The following KLHL1 variants were observed in gnomAD, a reference collection of about 807,000 sequenced individuals.
KLHL1 encodes kelch like family member 1, also known as kelch-like protein 1.
In KLHL1, 47 loss-of-function variants were observed where a neutral mutation model predicts 77.7. The ratio of observed to expected loss-of-function variants is 0.60; its 90% CI spans 0.48 to 0.77. KLHL1 has a LOEUF of 0.77. Ranked by LOEUF, KLHL1 falls within the 30% of genes least tolerant of loss-of-function variation. The probability of loss-of-function intolerance (pLI) is 0.00; values close to 1 mark genes in which losing one functional copy is unlikely to be tolerated. For synonymous variants in KLHL1, 360 were observed against 325.2 expected, an observed-to-expected ratio of 1.11 and a Z score of -1.15; for missense variants, 925 against 910.8, an observed-to-expected ratio of 1.02 and a Z score of -0.20.
chr13:69,755,658 G>C (rs184445895), intron 7 of KLHL1, among the ~76,000 whole-genome samples: 2,578 of 149,342 alleles, frequency 0.017, 46 homozygotes, highest in Middle Eastern at 0.076. Context: ...TAAAAAAAAA[G>C]CACTGCAGAA....
chr13:70,096,428 A>G (rs1474801091), intron 1 of KLHL1, among the ~76,000 whole-genome samples: 1 of 151,992 alleles, frequency 6.6e-6, no homozygotes, highest in Non-Finnish European at 1.5e-5. Flanking sequence ...TTTGATTTAT[A>G]TTTCTCTGAT....
intron 1 of KLHL1, among the ~76,000 whole-genome samples, chr13:70,076,594 A>G (rs1272023531): frequency 1.3e-5 from 2 of 151,890 alleles, no homozygotes; most frequent in Non-Finnish European, 2.9e-5. Flanking sequence ...CACAACACCA[A>G]AAGCCCAATC....
chr13:69,725,347 G>A (rs971869965), intron 8 of KLHL1, among the ~76,000 whole-genome samples: 1 of 152,102 alleles, frequency 6.6e-6, no homozygotes, highest in Non-Finnish European at 1.5e-5. Flanking sequence ...CCACAACCAT[G>A]GTTCAAATAG....
intron 4 of KLHL1, among the ~76,000 whole-genome samples, chr13:69,908,188 T>C (rs905231292): frequency 1.5e-4 from 23 of 151,294 alleles, no homozygotes; most frequent in African/African-American, 4.4e-4. Flanking sequence ...ACCAGCAGAG[T>C]ATAGATTTGT....
chr13:69,861,965 C>CAAAATAAAATAAAAT (rs58892254), intron 5 of KLHL1, among the ~76,000 whole-genome samples: 4,654 of 123,288 alleles, frequency 0.038, 124 homozygotes, highest in Non-Finnish European at 0.049. Context: ...AACTCCGTCT[C>CAAAATAAAATAAAAT]AAAATAAAAT....
chr13:69,989,915 A>T (rs1884981827), intron 1 of KLHL1, among the ~76,000 whole-genome samples: 1 of 152,008 alleles, frequency 6.6e-6, no homozygotes, highest in African/African-American at 2.4e-5. Context: ...AAACAGGGAT[A>T]GTTTGATTTC....
At chr13:70,057,421 C>T (rs1384114962) in intron 1 of KLHL1, among the ~76,000 whole-genome samples, 1 of 141,576 alleles carries the variant, frequency 7.1e-6, no homozygotes, top group East Asian at 2.1e-4. Flanking sequence ...CTTCCAAACT[C>T]ATTCTGAGGC....
chr13:70,106,333 C>T (rs545343307), intron 1 of KLHL1, among the ~76,000 whole-genome samples: 1 of 152,098 alleles, frequency 6.6e-6, no homozygotes, highest in Admixed American at 6.5e-5. Context: ...ATTTCATATC[C>T]TGACTATATT....
intron 5 of KLHL1, among the ~76,000 whole-genome samples, chr13:69,862,021 A>AAAATAAAATAAAAGC (rs1880188784): frequency 6.8e-5 from 10 of 147,616 alleles, no homozygotes; most frequent in Admixed American, 6.8e-4. Context: ...AAAATAAAAT[A>AAAATAAAATAAAAGC]AAAGCAAATA....
intron 2 of KLHL1, among the ~76,000 whole-genome samples, chr13:69,966,235 C>G (rs997363288): frequency 6.6e-6 from 1 of 152,134 alleles, no homozygotes; most frequent in Non-Finnish European, 1.5e-5. Context: ...CTTCAAAGGA[C>G]AGGCTAACTC....
At chr13:69,855,277 T>A (rs2138138902) in intron 5 of KLHL1, among the ~76,000 whole-genome samples, 1 of 150,802 alleles carries the variant, frequency 6.6e-6, no homozygotes, top group African/African-American at 2.5e-5. Context: ...ATTTTATCAC[T>A]CGTACTAATT....
intron 10 of KLHL1, among the ~76,000 whole-genome samples, chr13:69,703,399 A>G (rs968639121): frequency 2.0e-5 from 3 of 151,604 alleles, no homozygotes; most frequent in Non-Finnish European, 4.4e-5. Context: ...TAATGTAACT[A>G]TTACTATAAA....
At chr13:69,966,674 A>G (rs1219005627) in intron 2 of KLHL1, among the ~76,000 whole-genome samples, 1 of 152,096 alleles carries the variant, frequency 6.6e-6, no homozygotes, top group African/African-American at 2.4e-5. Flanking sequence ...TAGATTGTGT[A>G]ATGGTCAATA....
At chr13:70,077,573 G>A in intron 1 of KLHL1, among the ~76,000 whole-genome samples, 1 of 151,948 alleles carries the variant, frequency 6.6e-6, no homozygotes, top group African/African-American at 2.4e-5. Flanking sequence ...TTCTCAAAGT[G>A]CAAACCCATA....
At chr13:69,873,409 G>A (rs1341275592) in intron 5 of KLHL1, among the ~76,000 whole-genome samples, 1 of 151,956 alleles carries the variant, frequency 6.6e-6, no homozygotes. Context: ...GGTATTAGAG[G>A]AACTTTGATA....
chr13:69,986,468 C>G (rs1471275739), intron 1 of KLHL1, among the ~76,000 whole-genome samples: 1 of 151,846 alleles, frequency 6.6e-6, no homozygotes, highest in Non-Finnish European at 1.5e-5. Context: ...TATTATGTAT[C>G]AATTAAAAAC....
At chr13:69,810,812 T>C (rs1877846584) in intron 6 of KLHL1, among the ~76,000 whole-genome samples, 1 of 151,878 alleles carries the variant, frequency 6.6e-6, no homozygotes, top group Non-Finnish European at 1.5e-5. Context: ...CAATTCCATA[T>C]GAATACAAAG....
rs970982922 is a variant in KLHL1, at chr13:69,926,861, G to A, written c.1014+13179C>T. ...ACTTGGGAGGCTGAGGCAGGAGAATGGCGTGAACCTGGGAGGCAGAGCTTG... is the reference window on the plus strand; with the variant it reads ...ACTTGGGAGGCTGAGGCAGGAGAATAGCGTGAACCTGGGAGGCAGAGCTTG... On this transcript the variant is annotated intron_variant, in intron 4 of 10. Coordinates refer to ENST00000377844, the MANE Select transcript of KLHL1 (RefSeq NM_020866.3). Among the ~76,000 whole-genome samples the A allele has an allele frequency of 2.1e-5, 3 of 140,914 alleles. No individual in the cohort carries two copies. In the East Asian group the frequency reaches 6.5e-4, roughly 31 times the overall value. 92.4% of individuals were successfully genotyped at this position (140,914 alleles called of 152,430 possible). A position where few individuals can be genotyped will look rare whatever the true frequency, so the allele number is the denominator to read the frequency against.
intron 1 of KLHL1, among the ~76,000 whole-genome samples, chr13:70,057,007 A>G (rs999520804): frequency 6.6e-6 from 1 of 151,876 alleles, no homozygotes; most frequent in Non-Finnish European, 1.5e-5. Context: ...CAAAAAAAAA[A>G]TTGAAAAGTT....
Sources: gnomAD v4.1 joint callset for allele counts (sites outside exome capture counted in the v4.1 genomes callset) on GRCh38, gnomAD v4.1.1 for gene constraint, MANE v1.5 for transcripts, NCBI Gene and HGNC (gene_info 2026-07-23, HGNC 2026-07-21) for gene names.